Variants in PAX7 observed in about 807,000 individuals in gnomAD.
The protein encoded by PAX7 is paired box protein Pax-7.
In PAX7, 18 loss-of-function variants were observed where a neutral mutation model predicts 50.7. That is an observed-to-expected ratio of 0.36 (90% CI 0.25 to 0.53). The LOEUF is 0.53. Among genes scored for constraint, PAX7 ranks in the 20% least tolerant of loss-of-function variants. The pLI is 0.93. For synonymous variants in PAX7, 310 were observed against 290.4 expected (o/e 1.07, Z -0.69); for missense variants, 644 against 702.9 (o/e 0.92, Z 0.95).
rs2089700401 is a variant in PAX7, at chr1:18,735,654, C to CCAGT, written c.1179_1182dup (p.Ala395GlnfsTer10). ...CAGGTGATGAGCATCTTGGGCAACC[C>CCAGT]CAGTGCGGTGCCCCCGCAGCCACAG... On this transcript the variant is annotated frameshift_variant, in exon 8 of 9. Transcript: ENST00000420770. LOFTEE classifies it high-confidence loss of function. The surrounding 1 kb of genome is among the most constrained non-coding windows in gnomAD (Gnocchi z 4.0). The CCAGT allele has an allele frequency of 6.2e-7, 1 of 1,613,582 alleles. No individual in the cohort carries two copies.
At chr1:18,725,470 C>T (rs1570233415) in intron 7 of PAX7, among the ~76,000 whole-genome samples, 3 of 152,292 alleles carry the variant, frequency 2.0e-5, no homozygotes, top group Admixed American at 6.5e-5. Flanking sequence ...AGGCCCCTGA[C>T]ACCTGGAGCC....
chr1:18,655,333 G>A (rs1206352778), intron 4 of PAX7, among the ~76,000 whole-genome samples: 1 of 152,150 alleles, frequency 6.6e-6, no homozygotes, highest in Non-Finnish European at 1.5e-5. Context: ...TAATTACCAT[G>A]CAATCAATAT....
At chr1:18,744,696 G>GGATA (rs1931347134) in intron 8 of PAX7, 118 bp from the exon 9 acceptor site, 5 of 379,590 alleles carry the variant, frequency 1.3e-5, no homozygotes, top group African/African-American at 1.2e-4. Flanking sequence ...ATAAATGGAT[G>GGATA]GATGGATGGA....
chr1:18,709,025 C>T (rs1443974225), intron 7 of PAX7, among the ~76,000 whole-genome samples: 1 of 152,182 alleles, frequency 6.6e-6, no homozygotes, highest in African/African-American at 2.4e-5. Context: ...GGCAGGGTGC[C>T]TTGTGCTGGA....
chr1:18,706,204 G>A (rs569467937), intron 7 of PAX7, among the ~76,000 whole-genome samples: 4 of 152,264 alleles, frequency 2.6e-5, no homozygotes, highest in Non-Finnish European at 4.4e-5. Flanking sequence ...TGTGGGGCCA[G>A]GAATCCTCTG....
At chr1:18,638,597 C>T (rs769681389) in intron 4 of PAX7, among the ~76,000 whole-genome samples, 6 of 152,164 alleles carry the variant, frequency 3.9e-5, no homozygotes, top group East Asian at 3.8e-4. Flanking sequence ...GCTGTGTAAG[C>T]GCAAGCATCT....
At chr1:18,736,054 G>A in intron 8 of PAX7, 176 bp downstream of exon 8, 1 of 1,333,406 alleles carries the variant, frequency 7.5e-7, no homozygotes, top group East Asian at 2.5e-5. Context: ...ACACTGAGTT[G>A]GGCAAAACCC....
chr1:18,675,505 C>A (rs1218939395), intron 4 of PAX7, among the ~76,000 whole-genome samples: 2 of 152,138 alleles, frequency 1.3e-5, no homozygotes, highest in African/African-American at 2.4e-5. Context: ...CTCCCCAGCC[C>A]AATTGCATGC....
chr1:18,737,617 T>C (rs1225660231), intron 8 of PAX7, among the ~76,000 whole-genome samples: 1 of 152,278 alleles, frequency 6.6e-6, no homozygotes, highest in East Asian at 1.9e-4. Flanking sequence ...TACATGTATG[T>C]GTCAGTGGGC....
At chr1:18,688,490 A>G (rs2089009841) in intron 4 of PAX7, among the ~76,000 whole-genome samples, 1 of 152,236 alleles carries the variant, frequency 6.6e-6, no homozygotes, top group East Asian at 1.9e-4. Flanking sequence ...TCAGGTGCTC[A>G]AAACCCCATG....
chr1:18,652,423 C>T (rs749413786), intron 4 of PAX7, among the ~76,000 whole-genome samples: 5 of 152,118 alleles, frequency 3.3e-5, no homozygotes, highest in African/African-American at 4.8e-5. Context: ...TTCACCAATA[C>T]GGAAAGGCTT....
intron 7 of PAX7, among the ~76,000 whole-genome samples, chr1:18,706,458 C>CTTTT (rs1202376646): frequency 2.2e-5 from 3 of 135,066 alleles, no homozygotes; most frequent in African/African-American, 8.4e-5. Context: ...CTCTCTCTCT[C>CTTTT]TCTTTTTTTT....
Position 18,631,680 on chromosome 1 carries a change from C to T in PAX7, c.77C>T (p.Pro26Leu). ...CAGAACTACCCCCGCACGGGATTCC[C>T]TTTGGAAGGTAAGAACGCCCAGGCT... ...PGQNYPRTGF[P>L]LEVSTPLGQG... is the part of the protein sequence containing the mutation. The change falls in exon 1 of 9, where the codon CCT becomes CTT. Residue 26 changes from proline to leucine, a missense_variant. Transcript: ENST00000420770. 6.2e-7 allele frequency: 1 copy of T among 1,612,364 alleles called. No homozygotes were observed. The highest frequency in any genetic ancestry group is 8.5e-7 in the Non-Finnish European group (1 of 1,179,540).
chr1:18,653,392 C>T (rs1174636855), intron 4 of PAX7, among the ~76,000 whole-genome samples: 2 of 151,956 alleles, frequency 1.3e-5, no homozygotes, highest in Non-Finnish European at 1.5e-5. Flanking sequence ...TGTGTACGCA[C>T]GGTTACAGTG....
At chr1:18,633,813 C>T (rs1463921551) in intron 1 of PAX7, among the ~76,000 whole-genome samples, 2 of 152,196 alleles carry the variant, frequency 1.3e-5, no homozygotes. Context: ...CTACCAGGAG[C>T]GTAGAACTGA....
chr1:18,672,933 C>T (rs1469876911), intron 4 of PAX7, among the ~76,000 whole-genome samples: 2 of 152,018 alleles, frequency 1.3e-5, no homozygotes, highest in South Asian at 2.1e-4. Context: ...AAGCCTCTAT[C>T]GGGGCTATTT....
At chr1:18,661,853 G>A (rs896544833) in intron 4 of PAX7, among the ~76,000 whole-genome samples, 7 of 152,238 alleles carry the variant, frequency 4.6e-5, no homozygotes, top group Admixed American at 1.3e-4. Context: ...GACAGGGGGT[G>A]GGCGGAGGGC....
At chr1:18,744,493 T>TGAG (rs1209032270) in intron 8 of PAX7, among the ~76,000 whole-genome samples, 1 of 21,654 alleles carries the variant, frequency 4.6e-5, no homozygotes, top group African/African-American at 4.5e-4. Flanking sequence ...AATGGATGGA[T>TGAG]GGATGGACAG....
chr1:18,637,952 G>T (rs1050392363), intron 4 of PAX7, among the ~76,000 whole-genome samples: 2 of 152,346 alleles, frequency 1.3e-5, no homozygotes, highest in Admixed American at 6.5e-5. Context: ...TAGGCCAGTC[G>T]GCCCAGAGCC....
Sources: gnomAD v4.1 joint callset for allele counts (sites outside exome capture counted in the v4.1 genomes callset) on GRCh38, gnomAD v4.1.1 for gene constraint, Gnocchi (gnomAD v3.1) non-coding constraint, MANE v1.5 for transcripts, NCBI Gene and HGNC (gene_info 2026-07-23, HGNC 2026-07-21) for gene names.